The following GLRA3 variants were observed in gnomAD, a reference collection of about 807,000 sequenced individuals.
GLRA3 encodes the protein glycine receptor alpha 3.
Under a neutral mutation model 60.4 loss-of-function variants are expected in GLRA3, and 44 were observed. The ratio of observed to expected loss-of-function variants is 0.73; its 90% confidence interval spans 0.57 to 0.94. The LOEUF (loss-of-function observed/expected upper bound fraction) is 0.94. Ranked by LOEUF, GLRA3 falls within the 40% of genes least tolerant of loss-of-function variation. GLRA3 has a pLI of 0.00. For synonymous variants in GLRA3, 223 were observed against 192.9 expected (o/e 1.16, Z -1.29); for missense variants, 508 against 564.6 (o/e 0.90, Z 1.02).
intron 4 of GLRA3, among the ~76,000 whole-genome samples, chr4:174,721,081 T>G (rs1736113316): frequency 6.6e-6 from 1 of 150,982 alleles, no homozygotes; most frequent in African/African-American, 2.4e-5. Context: ...AGGGCTGGAG[T>G]GCGGTGGTGT....
At chr4:174,756,582 T>C (rs1737707408) in intron 3 of GLRA3, among the ~76,000 whole-genome samples, 2 of 151,828 alleles carry the variant, frequency 1.3e-5, no homozygotes, top group Non-Finnish European at 2.9e-5. Context: ...CAAACAACAG[T>C]GGAAGTAAAC....
chr4:174,809,093 G>A (rs1241619491), intron 1 of GLRA3, among the ~76,000 whole-genome samples: 1 of 152,138 alleles, frequency 6.6e-6, no homozygotes, highest in African/African-American at 2.4e-5. Flanking sequence ...GCCATTCATC[G>A]TAAGTGCTCT....
intron 3 of GLRA3, among the ~76,000 whole-genome samples, chr4:174,761,045 C>T (rs1437246535): frequency 2.0e-5 from 3 of 151,940 alleles, no homozygotes; most frequent in Non-Finnish European, 2.9e-5. Flanking sequence ...TAATATCAAA[C>T]TCAGGAATAA....
intron 2 of GLRA3, among the ~76,000 whole-genome samples, chr4:174,775,722 C>A (rs967427604): frequency 1.3e-5 from 2 of 152,052 alleles, no homozygotes; most frequent in African/African-American, 4.8e-5. Context: ...CTTTTACTTG[C>A]AATTCAATTG....
intron 6 of GLRA3, among the ~76,000 whole-genome samples, chr4:174,680,978 A>C (rs1450514580): frequency 2.0e-5 from 3 of 152,154 alleles, no homozygotes; most frequent in Non-Finnish European, 4.4e-5. Context: ...GCAAATATGA[A>C]ATGGAGTCTG....
chr4:174,658,424 A>G (rs1561036768), intron 8 of GLRA3, among the ~76,000 whole-genome samples: 1 of 152,156 alleles, frequency 6.6e-6, no homozygotes, highest in African/African-American at 2.4e-5. Flanking sequence ...TCCAAATCCA[A>G]TTAGGGGTTT....
At chr4:174,819,749 G>A (rs1434850512) in intron 1 of GLRA3, among the ~76,000 whole-genome samples, 2 of 152,128 alleles carry the variant, frequency 1.3e-5, no homozygotes, top group Admixed American at 6.5e-5. Flanking sequence ...ATGTTCTGTG[G>A]TACCAATGGT....
chr4:174,688,318 C>CATATAT (rs553159490), intron 5 of GLRA3, among the ~76,000 whole-genome samples: 7 of 34,956 alleles, frequency 2.0e-4, no homozygotes, highest in South Asian at 1.0e-3. Flanking sequence ...TACCTGACAT[C>CATATAT]ATATATATAT....
Position 174,643,221 on chromosome 4 carries a change from TA to T in GLRA3, c.*564del. 2.8e-6 allele frequency: 2 copies of T among 720,870 alleles called. No homozygotes were observed. The highest frequency in any genetic ancestry group is 3.4e-6 in the Non-Finnish European group (2 of 589,684). The allele number at this position is 720,870 out of a possible 1,614,324, so 44.7% of individuals were successfully genotyped here. A position where few individuals can be genotyped will look rare whatever the true frequency, so the allele number is the denominator to read the frequency against. On this transcript the variant is annotated 3_prime_UTR_variant, in exon 10 of 10. Transcript: ENST00000274093. ...AATTAAATTTAGTATTCCAAATCAT[TA>T]AAGTCTTTTAATGCTCTTATTTAAA...
At chr4:174,783,987 T>C (rs537979606) in intron 2 of GLRA3, among the ~76,000 whole-genome samples, 25 of 150,716 alleles carry the variant, frequency 1.7e-4, no homozygotes, top group African/African-American at 5.8e-4. Flanking sequence ...CCCAAAGGAC[T>C]ATAAATCATG....
rs184321227 is a variant in GLRA3 at position 174,787,474 on chromosome 4, T to G, written c.199+1342A>C. On this transcript the variant is annotated intron_variant, in intron 2 of 9. Transcript: ENST00000274093. ...GAAAAGATCATTATAATACTGAAAT[T>G]TCTCATTTTCATTTGTATATTGTAC... 3.9e-5 allele frequency among the ~76,000 whole-genome samples: 6 copies of G among 152,074 alleles called. No homozygotes were observed. The East Asian group carries it at 1.2e-3, about 29-fold the overall frequency.
At chr4:174,806,065 A>G (rs1051246910) in intron 1 of GLRA3, among the ~76,000 whole-genome samples, 1 of 152,138 alleles carries the variant, frequency 6.6e-6, no homozygotes, top group African/African-American at 2.4e-5. Context: ...TATAGCAAAG[A>G]CTTTTCCTGA....
At chr4:174,824,748 T>G (rs937132271) in intron 1 of GLRA3, among the ~76,000 whole-genome samples, 4 of 152,176 alleles carry the variant, frequency 2.6e-5, no homozygotes, top group African/African-American at 9.6e-5. Flanking sequence ...GGTTTCTTGA[T>G]AGTTGCGCTT....
chr4:174,766,725 A>T (rs2111236823), intron 3 of GLRA3, among the ~76,000 whole-genome samples: 1 of 152,168 alleles, frequency 6.6e-6, no homozygotes, highest in South Asian at 2.1e-4. Flanking sequence ...TTGAAGTTTA[A>T]TATTAGATTG....
intron 1 of GLRA3, among the ~76,000 whole-genome samples, chr4:174,807,141 T>C (rs1740082990): frequency 6.6e-6 from 1 of 151,970 alleles, no homozygotes; most frequent in African/African-American, 2.4e-5. Context: ...CAAAAGAAGA[T>C]ACAGAGAACA....
At chr4:174,717,237 G>T (rs560363702) in intron 4 of GLRA3, among the ~76,000 whole-genome samples, 1 of 135,992 alleles carries the variant, frequency 7.4e-6, no homozygotes, top group Non-Finnish European at 1.6e-5. Flanking sequence ...AGAAAGGAAG[G>T]CATGCAGGAA....
chr4:174,743,924 A>T (rs1579539187), intron 3 of GLRA3, among the ~76,000 whole-genome samples: 1 of 143,840 alleles, frequency 7.0e-6, no homozygotes, highest in Non-Finnish European at 1.5e-5. Flanking sequence ...TGATCCATAC[A>T]CCACTGCAGC....
intron 1 of GLRA3, among the ~76,000 whole-genome samples, chr4:174,811,114 C>G (rs557862758): frequency 4.0e-5 from 6 of 148,700 alleles, no homozygotes; most frequent in South Asian, 2.1e-4. Context: ...CACACACACA[C>G]AGAGAGATGC....
intron 2 of GLRA3, among the ~76,000 whole-genome samples, chr4:174,776,692 G>A (rs1165902676): frequency 6.6e-6 from 1 of 152,102 alleles, no homozygotes; most frequent in Non-Finnish European, 1.5e-5. Context: ...TTAGTGTTGA[G>A]GGTGAACCGC....
Sources: allele counts gnomAD v4.1 joint callset (sites outside exome capture counted in the v4.1 genomes callset), GRCh38; gene constraint gnomAD v4.1.1; transcripts MANE v1.5; gene names NCBI Gene and HGNC (gene_info 2026-07-23, HGNC 2026-07-21).